The following FLT4 variants were observed in gnomAD, a reference collection of about 807,000 sequenced individuals.
FLT4 encodes vascular endothelial growth factor receptor 3.
FLT4 carries 30 observed loss-of-function variants against 163.2 expected under a neutral mutation model. That is an observed-to-expected ratio of 0.18 (90% confidence interval 0.14 to 0.25). FLT4 has a LOEUF of 0.25. Among genes scored for constraint, FLT4 ranks in the 10% least tolerant of loss-of-function variants. The pLI is 1.00. For missense variants in FLT4, 1,510 were observed against 1,863.8 expected (o/e 0.81, Z 3.50); for synonymous variants, 884 against 789.5 (o/e 1.12, Z -2.01).
Position 180,629,539 on chromosome 5 carries a change from G to C in FLT4, c.817-112C>G, listed in dbSNP as rs1394791530. The C allele has an allele frequency of 2.0e-6, 3 of 1,489,348 alleles. No homozygotes were observed. The Admixed American group carries it at 5.5e-5, about 28-fold the overall frequency. 92.3% of individuals were successfully genotyped at this position (1,489,348 alleles called of 1,614,324 possible). ...GGTGGCTCCGGAAGCCCTGGACCCA[G>C]GCCCTGAGTTTTCTTTGGGTGGAAC... On this transcript the variant is annotated intron_variant, in intron 6 of 29. Transcript: ENST00000261937.
chr5:180,630,595 G>A lies in FLT4; in HGVS notation c.360C>T (p.Ile120=), dbSNP rs555609601. The change falls in exon 3 of 30, where the codon ATC becomes ATT. Residue 120 remains isoleucine (I), a synonymous_variant. Coordinates refer to ENST00000261937, the MANE Select transcript of FLT4 (RefSeq NM_182925.5). The surrounding 1 kb of genome is among the most constrained non-coding windows in gnomAD (Gnocchi z 6.3). ...VCYYKYIKAR[I]EGTTAASSYV... ...AGGAGCTGGCGGCCGTGGTGCCCTC[G>A]ATGCGTGCCTTGATGTACTTGTAGT... The A allele has an allele frequency of 1.9e-5, 30 of 1,612,994 alleles. No individual in the cohort carries two copies. The highest frequency in any genetic ancestry group is 5.5e-5 in the South Asian group (5 of 91,078).
At position 180,630,734 on chromosome 5, in the gene FLT4, T is replaced by C; in HGVS notation, c.221A>G (p.Asp74Gly). The change falls in exon 3 of 30, where the codon GAC (aspartate) becomes GGC (glycine). Residue 74 changes from aspartate to glycine, a missense_variant. By Grantham distance (94) the Asp-to-Gly change is moderately conservative. Around this residue, in one of 5 missense-constraint regions of FLT4, gnomAD observed 157 missense variants for 178.7 expected, o/e 0.88. Coordinates refer to ENST00000261937, the MANE Select transcript of FLT4 (RefSeq NM_182925.5). The surrounding 1 kb of genome is among the most constrained non-coding windows in gnomAD (Gnocchi z 6.3). ...AQEAPATGDK[D>G]SEDTGVVRDC... Reference sequence around the variant, plus strand: ...TCGCACCACCCCCGTGTCCTCGCTGTCCTTGTCTCCGGTGGCTGGCGCCTC... The same window carrying C: ...TCGCACCACCCCCGTGTCCTCGCTGCCCTTGTCTCCGGTGGCTGGCGCCTC... 9 of 1,611,152 alleles carry C rather than the reference T, an allele frequency of 5.6e-6. No individual in the cohort carries two copies. The highest frequency in any genetic ancestry group is 7.6e-6 in the Non-Finnish European group (9 of 1,179,882).
At chr5:180,632,710 GGTGT>G (rs1764282273) in intron 1 of FLT4, among the ~76,000 whole-genome samples, 1 of 152,104 alleles carries the variant, frequency 6.6e-6, no homozygotes, top group African/African-American at 2.4e-5. Context: ...ATGTCTGAGT[GGTGT>G]GTGTGGCTTC....
chr5:180,609,631 GC>G, intron 28 of FLT4: 1 of 449,966 alleles, frequency 2.2e-6, no homozygotes, highest in East Asian at 4.4e-5. Context: ...CCCCGAACCT[GC>G]CACCGAGGAG....
At chr5:180,649,026 G>A (rs553692537) in intron 1 of FLT4, among the ~76,000 whole-genome samples, 4 of 152,250 alleles carry the variant, frequency 2.6e-5, no homozygotes, top group African/African-American at 9.6e-5. Flanking sequence ...GACCGACCGC[G>A]AGCGGAGGCG....
At chr5:180,611,845 T>G in intron 26 of FLT4, 1 of 363,054 alleles carries the variant, frequency 2.8e-6, no homozygotes. Context: ...CCCTTCCAGG[T>G]ACATTTATGG....
intron 24 of FLT4, 84 bp from the exon 25 acceptor site, chr5:180,613,194 C>T: frequency 1.1e-6 from 1 of 944,908 alleles, no homozygotes; most frequent in East Asian, 2.4e-5. Context: ...CCTGTCCCTT[C>T]CCCATCAAGT....
chr5:180,627,792 G>A (rs1312497198), intron 8 of FLT4, among the ~76,000 whole-genome samples: 1 of 152,176 alleles, frequency 6.6e-6, no homozygotes, highest in Non-Finnish European at 1.5e-5. Context: ...CAGGGGACAG[G>A]GCCCAGGGGT....
In FLT4 at chr5:180,629,876, C is replaced by T. The variant is rs186495476; in HGVS notation, c.677-41G>A. 296 of 1,612,568 alleles carry T rather than the reference C, an allele frequency of 1.8e-4. 2 individuals are homozygous for T. The African/African-American group carries it at 3.4e-3, about 18-fold the overall frequency. Reference sequence around the variant, plus strand: ...CAGTGACTCCCACGCCCTCACAGGACGACACCCACTGAGGCCAGTGAGGCA... The same window carrying T: ...CAGTGACTCCCACGCCCTCACAGGATGACACCCACTGAGGCCAGTGAGGCA... On this transcript the variant is annotated intron_variant, in intron 5 of 29. Transcript: ENST00000261937.
chr5:180,618,699 TG>T (rs762872051), intron 21 of FLT4, 70 bp downstream of exon 21: 142 of 1,488,650 alleles, frequency 9.5e-5, no homozygotes, highest in Non-Finnish European at 1.2e-4. Context: ...GACCCCAGGC[TG>T]GGGTGCCTGA....
chr5:180,643,489 T>TC (rs147305215), intron 1 of FLT4, among the ~76,000 whole-genome samples: 2 of 152,086 alleles, frequency 1.3e-5, no homozygotes, highest in East Asian at 3.9e-4. Flanking sequence ...TCAATGGCTC[T>TC]CCCCCCGGGT....
chr5:180,611,953 C>T (rs1352917775), intron 26 of FLT4, among the ~76,000 whole-genome samples: 1 of 152,176 alleles, frequency 6.6e-6, no homozygotes, highest in Non-Finnish European at 1.5e-5. Context: ...GCACTCCCTA[C>T]CTTCTTCTTT....
At chr5:180,645,004 A>G (rs1212859903) in intron 1 of FLT4, among the ~76,000 whole-genome samples, 1 of 152,196 alleles carries the variant, frequency 6.6e-6, no homozygotes, top group African/African-American at 2.4e-5. Flanking sequence ...GCGAAAGGCC[A>G]TGGTGCTGGG....
chr5:180,621,816 G>C lies in FLT4; in HGVS notation c.1746C>G (p.Ser582Arg). Residue 582 changes from serine to arginine, a missense_variant, in exon 13 of 30, where the codon AGC becomes AGG. Coordinates refer to ENST00000261937, the MANE Select transcript of FLT4 (RefSeq NM_182925.5). ...QPVLLSCQAD[S>R]YKYEHLRWYR... ...ACCAGCGCAGATGCTCGTACTTGTA[G>C]CTGTCGGCTTGGCAGCTCAGGAGCA... 6.2e-7 allele frequency: 1 copy of C among 1,613,408 alleles called. No individual in the cohort carries two copies. Among genetic ancestry groups the C allele is most frequent in the East Asian group, 2.2e-5 (1 of 44,870 alleles).
rs1223901954 is a variant in FLT4, at chr5:180,636,972, C to T, written c.59-5194G>A. 2.0e-5 allele frequency among the ~76,000 whole-genome samples: 3 copies of T among 152,074 alleles called. No homozygotes were observed. The highest frequency in any genetic ancestry group is 7.2e-5 in the African/African-American group (3 of 41,404). ...TGGCAGCACAAGGCCCCCACAGGAGCTCCTCCCCCCCATTTTCCTGGGTGC... is the reference window on the plus strand; with the variant it reads ...TGGCAGCACAAGGCCCCCACAGGAGTTCCTCCCCCCCATTTTCCTGGGTGC... On this transcript the variant is annotated intron_variant, in intron 1 of 29. Coordinates refer to ENST00000261937, the MANE Select transcript of FLT4 (RefSeq NM_182925.5). The surrounding 1 kb of genome is among the most constrained non-coding windows in gnomAD (Gnocchi z 4.3).
In FLT4 at chr5:180,619,764, C is replaced by T. The variant is rs1762978988; in HGVS notation, c.2548G>A (p.Val850Met). ...FPRERLHLGR[V>M]LGYGAFGKVV... is the part of the protein sequence containing the mutation. ...TTCCCGAAGGCGCCGTAGCCGAGCA[C>T]TCTCCCTGTCGGGGCAGGGGGCCAG... Residue 850 changes from valine to methionine, a missense_variant, in exon 18 of 30, where the codon GTG becomes ATG. By Grantham distance (21) the Val-to-Met change is conservative. Around this residue, in one of 5 missense-constraint regions of FLT4, gnomAD observed 878 missense variants for 1,016.7 expected, o/e 0.86. Coordinates refer to ENST00000261937, the MANE Select transcript of FLT4 (RefSeq NM_182925.5). The T allele has an allele frequency of 3.7e-6, 6 of 1,611,676 alleles. No individual in the cohort carries two copies. Among genetic ancestry groups the T allele is most frequent in the African/African-American group, 1.3e-5 (1 of 74,930 alleles).
rs544596619 is a variant in FLT4 at position 180,622,932 on chromosome 5, C to A, written c.1549-93G>T. 3.0e-4 allele frequency: 239 copies of A among 792,556 alleles called. 2 individuals carry two copies. Among genetic ancestry groups the A allele is most frequent in the African/African-American group, 2.5e-3 (145 of 58,136 alleles). 49.1% of individuals were successfully genotyped at this position (792,556 alleles called of 1,614,324 possible). On this transcript the variant is annotated intron_variant, in intron 11 of 29. Transcript: ENST00000261937. ...GCAAGGAGGTCGCTGTGCACCACCC[C>A]CCCCAATCATGGGGGAAACTGAGGC...
chr5:180,611,035 C>T (rs565214879), intron 27 of FLT4, among the ~76,000 whole-genome samples: 111 of 152,202 alleles, frequency 7.3e-4, no homozygotes, highest in African/African-American at 2.2e-3. Flanking sequence ...CCAGCCTGGG[C>T]GACAGAGCGA....
chr5:180,640,063 C>A (rs1224984184), intron 1 of FLT4, among the ~76,000 whole-genome samples: 1 of 152,214 alleles, frequency 6.6e-6, no homozygotes, highest in East Asian at 1.9e-4. Context: ...GGCCACGGGG[C>A]CTTGGCGTCA....
Sources: gnomAD v4.1 joint callset for allele counts (sites outside exome capture counted in the v4.1 genomes callset) on GRCh38, gnomAD v4.1.1 for gene constraint, gnomAD v4.1.1 regional missense constraint, Gnocchi (gnomAD v3.1) non-coding constraint, MANE v1.5 for transcripts, NCBI Gene and HGNC (gene_info 2026-07-23, HGNC 2026-07-21) for gene names.